PHLPP1: variants seen among roughly 807,000 people sequenced by gnomAD.
PHLPP1 encodes PH domain and leucine rich repeat protein phosphatase 1.
PHLPP1 carries 42 observed loss-of-function variants against 117.2 expected under a neutral mutation model. The observed-to-expected ratio is 0.36, with a 90% CI of 0.28 to 0.46. The LOEUF (loss-of-function observed/expected upper bound fraction) is 0.46. PHLPP1 is among the 20% of genes least tolerant of loss of function. The pLI is 1.00. For synonymous variants in PHLPP1, 1,042 were observed against 970.7 expected (o/e 1.07, Z -1.37); for missense variants, 2,084 against 2,241.9 (o/e 0.93, Z 1.42).
chr18:62,868,282 T>A (rs1651436979), intron 4 of PHLPP1, among the ~76,000 whole-genome samples: 1 of 152,222 alleles, frequency 6.6e-6, no homozygotes, highest in African/African-American at 2.4e-5. Flanking sequence ...CTTATTCATT[T>A]TAACTTCCAT....
At chr18:62,960,694 A>G (rs1167370811) in intron 13 of PHLPP1, among the ~76,000 whole-genome samples, 1 of 152,174 alleles carries the variant, frequency 6.6e-6, no homozygotes, top group Non-Finnish European at 1.5e-5. Context: ...CCCCCCTCAA[A>G]TTGGTGCTGC....
intron 1 of PHLPP1, among the ~76,000 whole-genome samples, chr18:62,718,830 A>G (rs2058797063): frequency 6.6e-6 from 1 of 152,244 alleles, no homozygotes; most frequent in Non-Finnish European, 1.5e-5. Flanking sequence ...TTATATGGAA[A>G]GAGTTTGCTT....
At chr18:62,944,051 A>G (rs1245863667) in intron 11 of PHLPP1, among the ~76,000 whole-genome samples, 1 of 151,504 alleles carries the variant, frequency 6.6e-6, no homozygotes, top group African/African-American at 2.4e-5. Flanking sequence ...AAAGATGACA[A>G]AAATAATACA....
At chr18:62,745,443 A>G (rs909935896) in intron 1 of PHLPP1, among the ~76,000 whole-genome samples, 4 of 152,226 alleles carry the variant, frequency 2.6e-5, no homozygotes, top group South Asian at 2.1e-4. Flanking sequence ...AGCTCATTTT[A>G]TACTGTTAAA....
In PHLPP1 at chr18:62,978,874, A is replaced by G; in HGVS notation, c.4597A>G (p.Ser1533Gly). Residue 1533 changes from serine to glycine, a missense_variant, in exon 17 of 17, where the codon AGC becomes GGC. By Grantham distance (56) the Ser-to-Gly change is moderately conservative. Around this residue, in one of 2 missense-constraint regions of PHLPP1, gnomAD observed 1,365 missense variants for 1,605.9 expected, o/e 0.85. Transcript: ENST00000262719. The surrounding 1 kb of genome is among the most constrained non-coding windows in gnomAD (Gnocchi z 7.0). ...CAACTCCTTCCAGCGCCAGCTATCC[A>G]GCGCCACGTTCTCTAGCGCCTTCTC... is the stretch of plus-strand genomic sequence containing the variant. ...LSNSFQRQLS[S>G]ATFSSAFSDN... 3 of 1,607,014 alleles carry G rather than the reference A, an allele frequency of 1.9e-6. No homozygotes were observed. Among genetic ancestry groups the G allele is most frequent in the Non-Finnish European group, 2.5e-6 (3 of 1,176,900 alleles).
intron 4 of PHLPP1, 72 bp downstream of exon 4, chr18:62,860,673 G>A (rs1296389379): frequency 8.1e-7 from 1 of 1,241,226 alleles, no homozygotes; most frequent in Non-Finnish European, 1.1e-6. Flanking sequence ...GTTATCTCTT[G>A]AATATTCTCA....
chr18:62,948,744 A>C (rs1910369283), intron 12 of PHLPP1, among the ~76,000 whole-genome samples: 1 of 152,030 alleles, frequency 6.6e-6, no homozygotes, highest in Non-Finnish European at 1.5e-5. Context: ...CTTTATGTAC[A>C]AACATGTAAA....
intron 2 of PHLPP1, among the ~76,000 whole-genome samples, chr18:62,834,911 A>G (rs1392419307): frequency 1.3e-5 from 2 of 151,550 alleles, no homozygotes; most frequent in Admixed American, 6.6e-5. Flanking sequence ...CTTTTGCTTG[A>G]TATCTGTCAA....
intron 1 of PHLPP1, among the ~76,000 whole-genome samples, chr18:62,752,564 A>C (rs185682232): frequency 3.4e-4 from 52 of 152,362 alleles, no homozygotes; most frequent in African/African-American, 1.2e-3. Flanking sequence ...AGTGTGGTAG[A>C]AAATAGATAA....
At chr18:62,973,470 G>A (rs1205506341) in intron 15 of PHLPP1, among the ~76,000 whole-genome samples, 1 of 152,242 alleles carries the variant, frequency 6.6e-6, no homozygotes, top group Non-Finnish European at 1.5e-5. Flanking sequence ...AGTGATGAAT[G>A]TACTGGTATT....
intron 6 of PHLPP1, among the ~76,000 whole-genome samples, chr18:62,898,829 T>G (rs1379890758): frequency 6.6e-6 from 1 of 152,036 alleles, no homozygotes; most frequent in Non-Finnish European, 1.5e-5. Flanking sequence ...TGAGACGGAA[T>G]TTCTTGTTGC....
At chr18:62,929,686 G>A (rs1162822518) in intron 10 of PHLPP1, among the ~76,000 whole-genome samples, 1 of 152,244 alleles carries the variant, frequency 6.6e-6, no homozygotes, top group East Asian at 1.9e-4. Context: ...GGTGGCTCAT[G>A]CGTGTTGTCC....
intron 3 of PHLPP1, among the ~76,000 whole-genome samples, chr18:62,848,012 C>G (rs1915223964): frequency 6.6e-6 from 1 of 152,244 alleles, no homozygotes; most frequent in African/African-American, 2.4e-5. Context: ...CCTTAGCAGT[C>G]TATTTTCAGC....
chr18:62,945,293 A>G (rs1181088275), intron 12 of PHLPP1, 22 bp downstream of exon 12: 1 of 1,569,834 alleles, frequency 6.4e-7, no homozygotes, highest in Admixed American at 2.0e-5. Context: ...CATTTCATAA[A>G]CTCTAAGCTT....
rs140084758 is a variant in PHLPP1 at position 62,730,603 on chromosome 18, C to A, written c.1576+13344C>A. On this transcript the variant is annotated intron_variant, in intron 1 of 16. Transcript: ENST00000262719. Reference sequence around the variant, plus strand: ...TTGGGAGGCCGAGGCAGGTGGATCACCTGAGGTCAGGAGTTCGAGACCAGT... The same window carrying A: ...TTGGGAGGCCGAGGCAGGTGGATCAACTGAGGTCAGGAGTTCGAGACCAGT... Among the ~76,000 whole-genome samples the A allele has an allele frequency of 2.6e-5, 4 of 152,062 alleles. No individual in the cohort carries two copies. The East Asian group carries it at 7.7e-4, about 29-fold the overall frequency.
At chr18:62,977,003 TAGAG>T (rs1267421875) in intron 16 of PHLPP1, among the ~76,000 whole-genome samples, 2 of 152,210 alleles carry the variant, frequency 1.3e-5, no homozygotes, top group African/African-American at 4.8e-5. Context: ...TTGGTTTTGA[TAGAG>T]AGAAATCTAA....
At chr18:62,923,271 G>A (rs2076708019) in intron 10 of PHLPP1, among the ~76,000 whole-genome samples, 2 of 152,132 alleles carry the variant, frequency 1.3e-5, no homozygotes, top group South Asian at 2.1e-4. Flanking sequence ...GGAGAGTTCT[G>A]GAGTAAAGGG....
chr18:62,898,961 G>T (rs1299191109), intron 6 of PHLPP1, among the ~76,000 whole-genome samples: 1 of 151,824 alleles, frequency 6.6e-6, no homozygotes, highest in East Asian at 1.9e-4. Flanking sequence ...ACCATGACCG[G>T]CTAATTTTTT....
chr18:62,745,210 G>C (rs1362059205), intron 1 of PHLPP1, among the ~76,000 whole-genome samples: 1 of 152,146 alleles, frequency 6.6e-6, no homozygotes, highest in Non-Finnish European at 1.5e-5. Flanking sequence ...TTTACTTGCT[G>C]CTGACAACCT....
Sources: allele counts gnomAD v4.1 joint callset (sites outside exome capture counted in the v4.1 genomes callset), GRCh38; gene constraint gnomAD v4.1.1; regional missense constraint gnomAD v4.1.1; non-coding constraint Gnocchi (gnomAD v3.1); transcripts MANE v1.5; gene names NCBI Gene and HGNC (gene_info 2026-07-23, HGNC 2026-07-21).